EMCN: variants seen among roughly 807,000 people sequenced by gnomAD.
EMCN encodes the protein MUC-14.
Under a neutral mutation model 38.4 loss-of-function variants are expected in EMCN, and 37 were observed. The observed-to-expected ratio is 0.96, with a 90% CI of 0.74 to 1.27. The LOEUF (loss-of-function observed/expected upper bound fraction) is 1.27, where lower values mean the gene tolerates loss of function less well. Ranked by LOEUF, EMCN falls within the 50% of genes most tolerant of loss-of-function variation. EMCN has a pLI of 0.00. For missense variants in EMCN, 318 were observed against 302.8 expected (o/e 1.05, Z -0.37); for synonymous variants, 95 against 100.8 (o/e 0.94, Z 0.35).
chr4:100,423,513 T>G (rs530870863), intron 5 of EMCN, 109 bp from the exon 6 acceptor site: 1 of 718,018 alleles, frequency 1.4e-6, no homozygotes, highest in South Asian at 1.6e-5. Context: ...GAAAACTATT[T>G]ATTGTCAAAT....
chr4:100,448,346 A>G (rs748075229), intron 4 of EMCN, among the ~76,000 whole-genome samples: 18 of 152,144 alleles, frequency 1.2e-4, no homozygotes, highest in Non-Finnish European at 2.1e-4. Flanking sequence ...CTTCCTTTGT[A>G]TATTCACTTG....
At position 100,475,065 on chromosome 4, in the gene EMCN, C is replaced by G. The variant is rs1728597522; in HGVS notation, c.232G>C (p.Ala78Pro). The change falls in exon 3 of 12, where the codon GCT becomes CCT. Residue 78 changes from alanine (A) to proline (P), a missense_variant. Ala to Pro is a conservative substitution (Grantham distance 27, BLOSUM62 -1). Coordinates refer to ENST00000296420, the MANE Select transcript of EMCN (RefSeq NM_016242.4). Reference protein sequence around the residue: ...ELLKMSLMSTATFLTSKDEGL... With the variant: ...ELLKMSLMSTPTFLTSKDEGL... ...TCATCTTTACTTGTTAAAAAAGTAGCTGTTGACATCAGAGACATTTTAAGT... is the reference window on the plus strand; with the variant it reads ...TCATCTTTACTTGTTAAAAAAGTAGGTGTTGACATCAGAGACATTTTAAGT... 1 of 1,538,376 alleles carries G rather than the reference C, an allele frequency of 6.5e-7. No individual in the cohort carries two copies. Among genetic ancestry groups the G allele is most frequent in the East Asian group, 2.3e-5 (1 of 43,536 alleles).
intron 11 of EMCN, among the ~76,000 whole-genome samples, chr4:100,409,825 C>T (rs538406852): frequency 7.9e-5 from 12 of 152,196 alleles, no homozygotes; most frequent in Non-Finnish European, 1.8e-4. Context: ...TTCCCTGAGC[C>T]AGCCTACGGC....
chr4:100,497,141 A>G (rs1337702065), intron 1 of EMCN, among the ~76,000 whole-genome samples: 2 of 151,924 alleles, frequency 1.3e-5, no homozygotes, highest in Admixed American at 6.5e-5. Flanking sequence ...TTATGTCTAA[A>G]GTCCCTATGA....
chr4:100,472,620 CA>C (rs1258886700), intron 3 of EMCN, among the ~76,000 whole-genome samples: 1 of 152,038 alleles, frequency 6.6e-6, no homozygotes, highest in Non-Finnish European at 1.5e-5. Context: ...TCTCAAAATT[CA>C]CATTAAAATT....
chr4:100,454,218 T>C (rs1188772219), intron 4 of EMCN, among the ~76,000 whole-genome samples: 1 of 142,776 alleles, frequency 7.0e-6, no homozygotes, highest in Non-Finnish European at 1.5e-5. Context: ...AATGAGTATG[T>C]CGTGTTTTCA....
At chr4:100,452,567 A>G (rs1304449600) in intron 4 of EMCN, among the ~76,000 whole-genome samples, 1 of 152,102 alleles carries the variant, frequency 6.6e-6, no homozygotes, top group Non-Finnish European at 1.5e-5. Flanking sequence ...AAAGGGAAAA[A>G]GAGCAATAGT....
intron 2 of EMCN, among the ~76,000 whole-genome samples, chr4:100,477,867 A>G (rs1252952436): frequency 6.6e-6 from 1 of 152,080 alleles, no homozygotes; most frequent in Non-Finnish European, 1.5e-5. Flanking sequence ...AACTCCTCCA[A>G]ATTTAAGCCC....
At chr4:100,455,238 T>C (rs1727977074) in intron 4 of EMCN, among the ~76,000 whole-genome samples, 1 of 152,132 alleles carries the variant, frequency 6.6e-6, no homozygotes, top group African/African-American at 2.4e-5. Flanking sequence ...GCCATTGTTA[T>C]ACATTTTGTT....
At chr4:100,409,115 T>C (rs974350830) in intron 11 of EMCN, among the ~76,000 whole-genome samples, 1 of 152,228 alleles carries the variant, frequency 6.6e-6, no homozygotes, top group Non-Finnish European at 1.5e-5. Context: ...CAGTGTTAGT[T>C]AATTAGGGAT....
chr4:100,429,205 A>G (rs141320848), intron 5 of EMCN, among the ~76,000 whole-genome samples: 190 of 152,268 alleles, frequency 1.2e-3, no homozygotes, highest in African/African-American at 4.1e-3. Context: ...AAAGGAGAAC[A>G]TGAGGTCTAC....
chr4:100,449,787 C>T (rs1471511747), intron 4 of EMCN, among the ~76,000 whole-genome samples: 1 of 151,970 alleles, frequency 6.6e-6, no homozygotes, highest in Non-Finnish European at 1.5e-5. Flanking sequence ...CACATCACTT[C>T]AAAACCCTTC....
intron 5 of EMCN, among the ~76,000 whole-genome samples, chr4:100,424,014 T>C (rs1030566312): frequency 2.6e-5 from 4 of 152,104 alleles, no homozygotes; most frequent in African/African-American, 4.8e-5. Context: ...CTCTTTTTTT[T>C]CCAAGGAAAA....
intron 3 of EMCN, among the ~76,000 whole-genome samples, chr4:100,474,491 C>T (rs1156518886): frequency 2.0e-5 from 3 of 152,102 alleles, no homozygotes; most frequent in African/African-American, 7.2e-5. Context: ...GCAATTCGGC[C>T]TCAAGACATA....
intron 5 of EMCN, among the ~76,000 whole-genome samples, chr4:100,432,058 T>G (rs1727219229): frequency 6.6e-6 from 1 of 152,048 alleles, no homozygotes; most frequent in Non-Finnish European, 1.5e-5. Context: ...TAAAGAAAAA[T>G]GAATTCCATG....
intron 4 of EMCN, among the ~76,000 whole-genome samples, chr4:100,451,575 A>C (rs541783619): frequency 2.0e-5 from 3 of 152,086 alleles, no homozygotes; most frequent in Non-Finnish European, 4.4e-5. Flanking sequence ...GATGCACCTA[A>C]TTAGAAGCTA....
At chr4:100,414,292 A>G (rs765244361) in intron 10 of EMCN, among the ~76,000 whole-genome samples, 9 of 147,376 alleles carry the variant, frequency 6.1e-5, no homozygotes, top group Non-Finnish European at 1.2e-4. Context: ...GTGTAGTCAC[A>G]CTTAGGATCT....
At chr4:100,411,238 G>T (rs577014481) in intron 10 of EMCN, among the ~76,000 whole-genome samples, 4 of 152,134 alleles carry the variant, frequency 2.6e-5, no homozygotes, top group Non-Finnish European at 5.9e-5. Context: ...TCGATTCTAT[G>T]CTCTGAGAAA....
chr4:100,434,529 G>A (rs748490910), intron 5 of EMCN, among the ~76,000 whole-genome samples: 1 of 152,064 alleles, frequency 6.6e-6, no homozygotes, highest in Non-Finnish European at 1.5e-5. Flanking sequence ...ATTTTATGAG[G>A]CCAGCATCAT....
Sources: gnomAD v4.1 joint callset for allele counts (sites outside exome capture counted in the v4.1 genomes callset) on GRCh38, gnomAD v4.1.1 for gene constraint, MANE v1.5 for transcripts, NCBI Gene and HGNC (gene_info 2026-07-23, HGNC 2026-07-21) for gene names.